SCN7A: variants seen among roughly 807,000 people sequenced by gnomAD.
SCN7A encodes sodium channel protein type 7 subunit alpha.
Under a neutral mutation model 155.2 loss-of-function variants are expected in SCN7A, and 138 were observed. The observed-to-expected ratio is 0.89, with a 90% confidence interval of 0.77 to 1.02. The LOEUF (loss-of-function observed/expected upper bound fraction) is 1.02, where lower values mean the gene tolerates loss of function less well. Ranked by LOEUF, SCN7A falls within the 50% of genes least tolerant of loss-of-function variation. The probability of loss-of-function intolerance (pLI) is 0.00; values close to 1 mark genes in which losing one functional copy is unlikely to be tolerated. For missense variants in SCN7A, 2,058 were observed against 1,986.6 expected, an observed-to-expected ratio of 1.04 and a Z score of -0.68; for synonymous variants, 693 against 649.0, an observed-to-expected ratio of 1.07 and a Z score of -1.03.
At chr2:166,471,079 A>G (rs1702645036) in intron 6 of SCN7A, among the ~76,000 whole-genome samples, 1 of 151,922 alleles carries the variant, frequency 6.6e-6, no homozygotes, top group Non-Finnish European at 1.5e-5. Context: ...ATTTAAACTT[A>G]CAGTGATGAT....
At chr2:166,470,255 A>C (rs1702624607) in intron 7 of SCN7A, among the ~76,000 whole-genome samples, 1 of 151,842 alleles carries the variant, frequency 6.6e-6, no homozygotes, top group Admixed American at 6.6e-5. Context: ...GTTTCTTGAT[A>C]AAATGAGGAA....
At chr2:166,433,634 C>T (rs1251037413) in intron 15 of SCN7A, among the ~76,000 whole-genome samples, 1 of 152,060 alleles carries the variant, frequency 6.6e-6, no homozygotes. Context: ...CTGTCTCACC[C>T]AAGGTGAGCA....
In SCN7A at chr2:166,414,085, GTAAATATATATAATATATTATATA is replaced by G. The variant is rs1401447928; in HGVS notation, c.3415-988_3415-965del. 8.7e-3 allele frequency among the ~76,000 whole-genome samples: 479 copies of G among 55,246 alleles called. 20 individuals carry two copies. The highest frequency in any genetic ancestry group is 0.068 in the East Asian group (138 of 2,042). The allele number at this position is 55,246 out of a possible 152,430, so 36.2% of individuals were successfully genotyped here. On this transcript the variant is annotated intron_variant, in intron 21 of 25. Coordinates refer to ENST00000643258, the MANE Select transcript of SCN7A (RefSeq NM_002976.4). ...AAATATATTATATATGTAAATATAT[GTAAATATATATAATATATTATATA>G]TAAATATATATAATATATTATATAT...
At chr2:166,484,231 G>C (rs1217070966) in intron 2 of SCN7A, among the ~76,000 whole-genome samples, 3 of 151,790 alleles carry the variant, frequency 2.0e-5, no homozygotes, top group Non-Finnish European at 4.4e-5. Context: ...TTAGAAATTA[G>C]GGAAAGATGT....
Position 166,457,036 on chromosome 2 carries a change from A to G in SCN7A, c.1124T>C (p.Val375Ala). Residue 375 changes from valine (V) to alanine (A), a missense_variant, in exon 11 of 26, where the codon GTG (valine) becomes GCG (alanine). Coordinates refer to ENST00000643258, the MANE Select transcript of SCN7A (RefSeq NM_002976.4). ...ASGKVYMIFF[V>A]VVSFLFSFYM... ...AAAGGAAAACAAAAAACTTACCACC[A>G]CAAAAAATATCATGTAGACCTTCCC... 6.2e-7 allele frequency: 1 copy of G among 1,610,732 alleles called. No homozygotes were observed. The highest frequency in any genetic ancestry group is 8.5e-7 in the Non-Finnish European group (1 of 1,178,838).
intron 18 of SCN7A, among the ~76,000 whole-genome samples, chr2:166,425,607 C>G (rs76521817): frequency 0.013 from 1,945 of 152,112 alleles, 51 homozygotes; most frequent in African/African-American, 0.045. Context: ...CTTCTAGTGA[C>G]TACTTATACA....
intron 11 of SCN7A, among the ~76,000 whole-genome samples, chr2:166,452,616 A>T (rs1702197633): frequency 6.6e-6 from 1 of 152,144 alleles, no homozygotes; most frequent in Non-Finnish European, 1.5e-5. Context: ...AAATATTTGT[A>T]TTTCTACAAT....
At chr2:166,467,118 C>T (rs1332396297) in intron 7 of SCN7A, among the ~76,000 whole-genome samples, 2 of 151,700 alleles carry the variant, frequency 1.3e-5, no homozygotes, top group African/African-American at 2.4e-5. Flanking sequence ...TATAATAGAA[C>T]TTCTGTGTCA....
intron 25 of SCN7A, 83 bp from the exon 26 acceptor site, chr2:166,406,729 T>C (rs1701085399): frequency 4.2e-6 from 4 of 945,320 alleles, no homozygotes; most frequent in Non-Finnish European, 6.4e-6. Context: ...TTACACTTAA[T>C]TGTTTTTCCC....
chr2:166,413,300 T>C (rs1366887642), intron 21 of SCN7A, among the ~76,000 whole-genome samples, 179 bp from the exon 22 acceptor site: 1 of 152,106 alleles, frequency 6.6e-6, no homozygotes, highest in Non-Finnish European at 1.5e-5. Context: ...TTTCAAGTAC[T>C]TAGTTTATTT....
intron 11 of SCN7A, among the ~76,000 whole-genome samples, chr2:166,454,777 G>C (rs556431593): frequency 1.3e-4 from 20 of 152,260 alleles, no homozygotes; most frequent in African/African-American, 4.6e-4. Context: ...CAGAATATTA[G>C]AAAGCTACTT....
At chr2:166,491,827 C>T (rs547469832) in intron 1 of SCN7A, among the ~76,000 whole-genome samples, 1 of 152,150 alleles carries the variant, frequency 6.6e-6, no homozygotes, top group South Asian at 2.1e-4. Context: ...ATAATGGGAT[C>T]AGACTCCCAG....
rs1403901387 is a variant in SCN7A, at chr2:166,441,419, C to T, written c.2134G>A (p.Val712Ile). The T allele has an allele frequency of 6.9e-6, 11 of 1,590,976 alleles. No homozygotes were observed. The highest frequency in any genetic ancestry group is 9.4e-6 in the Non-Finnish European group (11 of 1,168,812). ...ACCAGTAAATTTCCAATTAAAATGA[C>T]CATCAGGTAAAAAGGAATACACCAG... ...QSWCIPFYLM[V>I]ILIGNLLVLY... The change falls in exon 15 of 26, where the codon GTC (valine) becomes ATC (isoleucine). Residue 712 changes from valine (V) to isoleucine (I), a missense_variant. Transcript: ENST00000643258.
At chr2:166,417,053 G>T in intron 20 of SCN7A, 68 bp from the exon 21 acceptor site, 1 of 1,189,680 alleles carries the variant, frequency 8.4e-7, no homozygotes, top group Non-Finnish European at 1.2e-6. Flanking sequence ...TGATCAGTTT[G>T]AAAAATACTA....
chr2:166,481,414 A>G (rs1559128827), intron 2 of SCN7A, among the ~76,000 whole-genome samples: 1 of 152,228 alleles, frequency 6.6e-6, no homozygotes, highest in Non-Finnish European at 1.5e-5. Flanking sequence ...AGTCAAATTT[A>G]CTACAAAAAA....
intron 18 of SCN7A, among the ~76,000 whole-genome samples, chr2:166,424,875 T>C (rs1701588588): frequency 1.3e-5 from 2 of 151,998 alleles, no homozygotes; most frequent in South Asian, 2.1e-4. Context: ...TAGTAGATGC[T>C]GGAGTTGCCC....
At chr2:166,446,454 C>T (rs190552000) in intron 12 of SCN7A, among the ~76,000 whole-genome samples, 1 of 152,258 alleles carries the variant, frequency 6.6e-6, no homozygotes, top group African/African-American at 2.4e-5. Flanking sequence ...TTGTGGAAGA[C>T]AGTGTGGCGA....
chr2:166,465,760 A>G lies in SCN7A; in HGVS notation c.871+21T>C, dbSNP rs770877980. The G allele has an allele frequency of 3.1e-6, 5 of 1,610,454 alleles. No individual in the cohort carries two copies. The East Asian group carries it at 1.1e-4, about 36-fold the overall frequency. ...TAACGAAAGTTTCAATTTTTGATAT[A>G]CATGGCAAGGTGATTCTTACCTCGA... On this transcript the variant is annotated intron_variant, in intron 8 of 25. Transcript: ENST00000643258.
Position 166,412,817 on chromosome 2 carries a change from A to G in SCN7A, c.3469-150T>C. 20 of 1,268,964 alleles carry G rather than the reference A, an allele frequency of 1.6e-5. 1 individual carries two copies. In the South Asian group the frequency reaches 3.3e-4, roughly 21 times the overall value. The allele number at this position is 1,268,964 out of a possible 1,614,324, so 78.6% of individuals were successfully genotyped here. On this transcript the variant is annotated intron_variant, in intron 22 of 25. Transcript: ENST00000643258. ...TTTTGCTGTTTGGTAAAAGGATATC[A>G]TTGCTTTGTATGAATGTTAAAGTTC...
Sources: gnomAD v4.1 joint callset for allele counts (sites outside exome capture counted in the v4.1 genomes callset) on GRCh38, gnomAD v4.1.1 for gene constraint, MANE v1.5 for transcripts, NCBI Gene and HGNC (gene_info 2026-07-23, HGNC 2026-07-21) for gene names.